Variants in SUMF1 observed in about 807,000 individuals in gnomAD.
SUMF1 encodes formylglycine-generating enzyme.
Under a neutral mutation model 47.6 loss-of-function variants are expected in SUMF1, and 48 were observed. The observed-to-expected ratio is 1.01, with a 90% CI of 0.80 to 1.28. SUMF1 has a LOEUF of 1.28. Among genes scored for constraint, SUMF1 ranks in the 50% most tolerant of loss-of-function variants. The pLI, the probability that SUMF1 is intolerant of heterozygous loss-of-function variation, is 0.00. For synonymous variants in SUMF1, 230 were observed against 192.1 expected (o/e 1.20, Z -1.63); for missense variants, 571 against 485.4 (o/e 1.18, Z -1.66).
intron 8 of SUMF1, among the ~76,000 whole-genome samples, chr3:4,181,681 C>T (rs1251171161): frequency 2.6e-5 from 4 of 152,026 alleles, no homozygotes; most frequent in Non-Finnish European, 4.4e-5. Flanking sequence ...TCCCTTATGC[C>T]CAAGAAAGAG....
At chr3:4,179,364 G>T (rs910678225) in intron 8 of SUMF1, among the ~76,000 whole-genome samples, 26 of 151,924 alleles carry the variant, frequency 1.7e-4, no homozygotes, top group Admixed American at 3.3e-4. Context: ...CAGAACAGAG[G>T]CTTCAGAAAT....
chr3:4,140,481 GTC>G (rs1694046893), intron 8 of SUMF1, among the ~76,000 whole-genome samples: 1 of 151,700 alleles, frequency 6.6e-6, no homozygotes, highest in African/African-American at 2.4e-5. Flanking sequence ...TTAGTATTTT[GTC>G]AAGTAGGAAA....
chr3:4,340,687 G>A (rs1699253688), intron 8 of SUMF1, among the ~76,000 whole-genome samples: 2 of 152,160 alleles, frequency 1.3e-5, no homozygotes, highest in Non-Finnish European at 2.9e-5. Context: ...ATATTTAAGA[G>A]GCAACAGTGA....
intron 8 of SUMF1, among the ~76,000 whole-genome samples, chr3:4,329,094 G>A (rs1159203486): frequency 3.3e-5 from 5 of 152,226 alleles, no homozygotes; most frequent in African/African-American, 4.8e-5. Context: ...CTCTGCCTCT[G>A]TGGCTTTGCA....
At chr3:4,443,405 A>C (rs778926369) in intron 3 of SUMF1, among the ~76,000 whole-genome samples, 5 of 152,172 alleles carry the variant, frequency 3.3e-5, no homozygotes, top group Admixed American at 1.3e-4. Context: ...ATAAAATAAA[A>C]AGTCATTTCA....
chr3:4,261,280 T>G (rs150406124), intron 8 of SUMF1, among the ~76,000 whole-genome samples: 25 of 152,290 alleles, frequency 1.6e-4, no homozygotes, highest in Admixed American at 5.2e-4. Context: ...TCAGTTTAAC[T>G]GGGACTTACT....
chr3:4,386,763 G>C (rs1298197236), intron 7 of SUMF1, among the ~76,000 whole-genome samples: 2 of 151,892 alleles, frequency 1.3e-5, no homozygotes, highest in Non-Finnish European at 2.9e-5. Context: ...TCTTTACTAA[G>C]TTTGAGAAAA....
chr3:4,312,802 GT>G, intron 8 of SUMF1: 2 of 1,418,424 alleles, frequency 1.4e-6, no homozygotes, highest in Non-Finnish European at 1.9e-6. Flanking sequence ...TTTTATATAT[GT>G]TAGAATTAGA....
At chr3:4,109,465 T>C (rs1023256241) in intron 8 of SUMF1, among the ~76,000 whole-genome samples, 1 of 152,142 alleles carries the variant, frequency 6.6e-6, no homozygotes, top group Non-Finnish European at 1.5e-5. Context: ...AATTTGAATG[T>C]TGGTCTGCCT....
chr3:4,200,683 G>A (rs145013041), intron 8 of SUMF1, among the ~76,000 whole-genome samples: 10 of 152,174 alleles, frequency 6.6e-5, no homozygotes, highest in African/African-American at 2.4e-4. Context: ...ATAATTGCAT[G>A]AGGCAATTTC....
intron 8 of SUMF1, among the ~76,000 whole-genome samples, chr3:4,250,679 G>A (rs965534928): frequency 3.3e-5 from 5 of 152,278 alleles, no homozygotes; most frequent in Admixed American, 3.3e-4. Context: ...GTTGGAGCCA[G>A]TGCTCATTGA....
At chr3:4,198,760 C>A (rs1011869865) in intron 8 of SUMF1, among the ~76,000 whole-genome samples, 1 of 152,050 alleles carries the variant, frequency 6.6e-6, no homozygotes, top group Non-Finnish European at 1.5e-5. Context: ...TCTCACCCTT[C>A]GCTGGCAACT....
At chr3:4,176,488 T>G (rs141091144) in intron 8 of SUMF1, among the ~76,000 whole-genome samples, 4 of 152,160 alleles carry the variant, frequency 2.6e-5, no homozygotes, top group Non-Finnish European at 4.4e-5. Flanking sequence ...AAGCAAATGC[T>G]GAGAGATTTT....
At chr3:4,052,609 G>T (rs317530) in intron 9 of SUMF1, among the ~76,000 whole-genome samples, 99,225 of 152,028 alleles carry the variant, frequency 0.65, 34,184 homozygotes, top group East Asian at 0.99. Context: ...AATAAGTTAC[G>T]TTTAAGAAAA....
At chr3:4,331,354 T>G (rs1026176929) in intron 8 of SUMF1, among the ~76,000 whole-genome samples, 1 of 152,198 alleles carries the variant, frequency 6.6e-6, no homozygotes, top group Non-Finnish European at 1.5e-5. Flanking sequence ...GATGGAGAAT[T>G]TTTTCTCTTG....
chr3:4,036,996 T>C (rs1694812505), intron 9 of SUMF1, among the ~76,000 whole-genome samples: 1 of 151,852 alleles, frequency 6.6e-6, no homozygotes, highest in Non-Finnish European at 1.5e-5. Context: ...TTCCAAGATA[T>C]ACACACAGCT....
intron 7 of SUMF1, among the ~76,000 whole-genome samples, chr3:4,404,182 A>C (rs1701302742): frequency 6.6e-6 from 1 of 152,230 alleles, no homozygotes; most frequent in Non-Finnish European, 1.5e-5. Context: ...ACTGATCCAC[A>C]GTGAAAAATT....
intron 8 of SUMF1, among the ~76,000 whole-genome samples, chr3:4,119,944 C>T (rs1217397753): frequency 6.6e-6 from 1 of 152,124 alleles, no homozygotes; most frequent in Non-Finnish European, 1.5e-5. Flanking sequence ...CTCCTTTATA[C>T]TTGAACTTAC....
chr3:4,411,689 G>A (rs1385336885), intron 6 of SUMF1, among the ~76,000 whole-genome samples: 4 of 146,900 alleles, frequency 2.7e-5, no homozygotes, highest in Admixed American at 2.1e-4. Flanking sequence ...TTTTATAAAA[G>A]GGGGGAGAGC....
Sources: allele counts gnomAD v4.1 joint callset (sites outside exome capture counted in the v4.1 genomes callset), GRCh38; gene constraint gnomAD v4.1.1; transcripts MANE v1.5; gene names NCBI Gene and HGNC (gene_info 2026-07-23, HGNC 2026-07-21).